Variants in DNM2 observed in about 807,000 individuals in gnomAD.
DNM2 encodes the protein dynamin 2, also known as dynamin-2.
Under a neutral mutation model 99.0 loss-of-function variants are expected in DNM2, and 15 were observed. The observed-to-expected ratio is 0.15, with a 90% CI of 0.10 to 0.23. The LOEUF (loss-of-function observed/expected upper bound fraction) is 0.23, where lower values mean the gene tolerates loss of function less well. DNM2 is among the 10% of genes least tolerant of loss of function. The probability of loss-of-function intolerance (pLI) is 1.00; values close to 1 mark genes in which losing one functional copy is unlikely to be tolerated. For missense variants in DNM2, 742 were observed against 1,189.4 expected (o/e 0.62, Z 5.53); for synonymous variants, 525 against 481.2 (o/e 1.09, Z -1.19).
Position 10,775,144 on chromosome 19 carries a change from T to G in DNM2, c.386-559T>G, listed in dbSNP as rs1222366405. On this transcript the variant is annotated intron_variant, in intron 3 of 20. Transcript: ENST00000389253. This position sits in a 1 kb window ranked among gnomAD's most constrained non-coding sequence, Gnocchi z 4.3. ...TCGCCCAGGCTGGAGTGCAGTGGTATGATCTCAGCTCACTGCAACCTCCAC... is the reference window on the plus strand; with the variant it reads ...TCGCCCAGGCTGGAGTGCAGTGGTAGGATCTCAGCTCACTGCAACCTCCAC... 1.3e-5 allele frequency among the ~76,000 whole-genome samples: 2 copies of G among 152,036 alleles called. No individual in the cohort carries two copies. Among genetic ancestry groups the G allele is most frequent in the Non-Finnish European group, 2.9e-5 (2 of 68,000 alleles).
At chr19:10,827,436 TAATA>T (rs1340671312) in intron 18 of DNM2, among the ~76,000 whole-genome samples, 1 of 151,804 alleles carries the variant, frequency 6.6e-6, no homozygotes, top group Non-Finnish European at 1.5e-5. Flanking sequence ...TTTAAGAAAA[TAATA>T]AATCTGTCGG....
chr19:10,775,238 C>T lies in DNM2; in HGVS notation c.386-465C>T, dbSNP rs777191273. On this transcript the variant is annotated intron_variant, in intron 3 of 20. Coordinates refer to ENST00000389253, the MANE Select transcript of DNM2 (RefSeq NM_001005361.3). This position sits in a 1 kb window ranked among gnomAD's most constrained non-coding sequence, Gnocchi z 4.3. Reference sequence around the variant, plus strand: ...CTGGGAGTACAAGTGTGTGCTACCACGCCCAGCTAATTTTTGTATACTTAG... The same window carrying T: ...CTGGGAGTACAAGTGTGTGCTACCATGCCCAGCTAATTTTTGTATACTTAG... 6.6e-6 allele frequency among the ~76,000 whole-genome samples: 1 copy of T among 152,024 alleles called. No individual in the cohort carries two copies. Among genetic ancestry groups the T allele is most frequent in the Non-Finnish European group, 1.5e-5 (1 of 68,010 alleles).
At chr19:10,721,131 C>T (rs1433468279) in intron 1 of DNM2, among the ~76,000 whole-genome samples, 2 of 151,980 alleles carry the variant, frequency 1.3e-5, no homozygotes, top group African/African-American at 2.4e-5. Context: ...TGGCGACCTC[C>T]TAGAATCCTG....
chr19:10,830,736 A>C lies in DNM2; in HGVS notation c.2544-242A>C, dbSNP rs980947319. On this transcript the variant is annotated intron_variant, in intron 20 of 20. Transcript: ENST00000389253. The surrounding 1 kb of genome is among the most constrained non-coding windows in gnomAD (Gnocchi z 4.8). ...CCGTGGGCCAGGCTTTATTCTCCCCACTTCTCCGGTGGGGAAGCTGAGGCC... is the reference window on the plus strand; with the variant it reads ...CCGTGGGCCAGGCTTTATTCTCCCCCCTTCTCCGGTGGGGAAGCTGAGGCC... 6.6e-6 allele frequency among the ~76,000 whole-genome samples: 1 copy of C among 150,612 alleles called. No homozygotes were observed. The highest frequency in any genetic ancestry group is 6.6e-5 in the Admixed American group (1 of 15,172).
At chr19:10,786,450 T>C in intron 6 of DNM2, 114 bp from the exon 7 acceptor site, 1 of 1,495,564 alleles carries the variant, frequency 6.7e-7, no homozygotes. Flanking sequence ...CTGTGTGGTG[T>C]GGTGGCCGCA....
Position 10,830,596 on chromosome 19 carries a change from A to G in DNM2, c.2543+218A>G. 1.6e-6 allele frequency: 1 copy of G among 641,720 alleles called. No homozygotes were observed. The highest frequency in any genetic ancestry group is 2.7e-6 in the Non-Finnish European group (1 of 377,126). 39.8% of individuals were successfully genotyped at this position (641,720 alleles called of 1,614,324 possible). ...GAGCCCTGGTGACTCCGGGGCTCCCAGCTTGCCCTCTGCCTACTGGGGTGT... is the reference window on the plus strand; with the variant it reads ...GAGCCCTGGTGACTCCGGGGCTCCCGGCTTGCCCTCTGCCTACTGGGGTGT... On this transcript the variant is annotated intron_variant, in intron 20 of 20. Coordinates refer to ENST00000389253, the MANE Select transcript of DNM2 (RefSeq NM_001005361.3). This position sits in a 1 kb window ranked among gnomAD's most constrained non-coding sequence, Gnocchi z 4.8.
At chr19:10,786,756 A>T in intron 7 of DNM2, 50 bp downstream of exon 7, 1 of 1,611,838 alleles carries the variant, frequency 6.2e-7, no homozygotes, top group South Asian at 1.1e-5. Flanking sequence ...CCTGCCTTCC[A>T]TCAGCCACAG....
chr19:10,830,013 C>A lies in DNM2; in HGVS notation c.2292-114C>A. The A allele has an allele frequency of 1.3e-6, 2 of 1,485,692 alleles. No homozygotes were observed. Among genetic ancestry groups the A allele is most frequent in the South Asian group, 1.1e-5 (1 of 88,186 alleles). The allele number at this position is 1,485,692 out of a possible 1,614,324, so 92.0% of individuals were successfully genotyped here. A position where few individuals can be genotyped will look rare whatever the true frequency, so the allele number is the denominator to read the frequency against. On this transcript the variant is annotated intron_variant, in intron 19 of 20. Transcript: ENST00000389253. This position sits in a 1 kb window ranked among gnomAD's most constrained non-coding sequence, Gnocchi z 4.8. ...AGGTTGGGGTGGGAGGATCCCACTGCGCCTGCGCTGTCCCCATAGCCAGCC... is the reference window on the plus strand; with the variant it reads ...AGGTTGGGGTGGGAGGATCCCACTGAGCCTGCGCTGTCCCCATAGCCAGCC...
chr19:10,759,624 C>G, intron 1 of DNM2, 114 bp from the exon 2 acceptor site: 2 of 1,339,998 alleles, frequency 1.5e-6, no homozygotes, highest in Non-Finnish European at 2.1e-6. Flanking sequence ...GGGTTGGTGC[C>G]TTTGCTGAGG....
intron 2 of DNM2, among the ~76,000 whole-genome samples, chr19:10,762,362 C>G (rs1271234663): frequency 1.3e-5 from 2 of 152,170 alleles, no homozygotes; most frequent in African/African-American, 4.8e-5. Context: ...TAATGAGTCC[C>G]TGGTGATGCT....
chr19:10,771,132 C>T (rs764530052), intron 2 of DNM2, among the ~76,000 whole-genome samples: 1 of 152,184 alleles, frequency 6.6e-6, no homozygotes, highest in South Asian at 2.1e-4. Flanking sequence ...TAGCTGTGAT[C>T]TCTGAGCTTT....
chr19:10,726,798 G>A (rs1412822424), intron 1 of DNM2, among the ~76,000 whole-genome samples: 1 of 152,152 alleles, frequency 6.6e-6, no homozygotes, highest in Non-Finnish European at 1.5e-5. Context: ...GGGGGACGGA[G>A]GTTGCGGTAA....
chr19:10,718,384 C>A lies in DNM2; in HGVS notation c.142C>A (p.Leu48Met). Residue 48 changes from leucine (L) to methionine (M), a missense_variant, in exon 1 of 21, where the codon CTG (leucine) becomes ATG (methionine). Transcript: ENST00000389253. ...GGQSAGKSSVLENFVGRDFLP... is the reference protein window; with the variant it reads ...GGQSAGKSSVMENFVGRDFLP... The stretch of plus-strand genomic sequence containing the variant: ...CCAGAGCGCCGGCAAGAGCTCGGTG[C>A]TGGAGAACTTCGTGGGCCGGTGAGC... 1 of 1,496,360 alleles carries A rather than the reference C, an allele frequency of 6.7e-7. No homozygotes were observed. The highest frequency in any genetic ancestry group is 1.3e-5 in the South Asian group (1 of 75,244). The allele number at this position is 1,496,360 out of a possible 1,614,324, so 92.7% of individuals were successfully genotyped here.
intron 1 of DNM2, among the ~76,000 whole-genome samples, chr19:10,746,861 C>T (rs1166444113): frequency 6.7e-6 from 1 of 150,086 alleles, no homozygotes; most frequent in Admixed American, 6.7e-5. Flanking sequence ...CTCAGCCTCT[C>T]GAGTAGCTGG....
intron 18 of DNM2, among the ~76,000 whole-genome samples, chr19:10,826,962 A>G (rs2073160811): frequency 6.6e-6 from 1 of 152,032 alleles, no homozygotes; most frequent in Non-Finnish European, 1.5e-5. Context: ...ACTCCCACAC[A>G]GGGTGTGGCT....
chr19:10,753,895 G>A (rs192728599), intron 1 of DNM2, among the ~76,000 whole-genome samples: 61 of 152,110 alleles, frequency 4.0e-4, no homozygotes, highest in African/African-American at 1.4e-3. Flanking sequence ...GACCTCAAAC[G>A]ATCCACCCAC....
chr19:10,751,007 T>A, intron 1 of DNM2, among the ~76,000 whole-genome samples: 1 of 145,936 alleles, frequency 6.9e-6, no homozygotes, highest in South Asian at 2.1e-4. Flanking sequence ...TGGGGAGCTG[T>A]GTGTGAGCTC....
chr19:10,802,632 A>G, intron 12 of DNM2: 1 of 507,390 alleles, frequency 2.0e-6, no homozygotes, highest in Non-Finnish European at 3.6e-6. Context: ...GAGAGGGGGA[A>G]GCCAGCCAGC....
intron 10 of DNM2, among the ~76,000 whole-genome samples, chr19:10,798,172 G>T (rs988976831): frequency 6.6e-6 from 1 of 152,164 alleles, no homozygotes; most frequent in African/African-American, 2.4e-5. Context: ...TGGGCAAGAG[G>T]GGGGTGCCCT....
Sources: gnomAD v4.1 joint callset for allele counts (sites outside exome capture counted in the v4.1 genomes callset) on GRCh38, gnomAD v4.1.1 for gene constraint, Gnocchi (gnomAD v3.1) non-coding constraint, MANE v1.5 for transcripts, NCBI Gene and HGNC (gene_info 2026-07-23, HGNC 2026-07-21) for gene names.